Variants in MAPK8 observed in about 807,000 individuals in gnomAD.
MAPK8 encodes JUN N-terminal kinase.
A neutral mutation model predicts 52.9 loss-of-function variants in MAPK8; 13 were observed. The observed-to-expected ratio is 0.25, with a 90% CI of 0.16 to 0.39. The LOEUF (loss-of-function observed/expected upper bound fraction) is 0.39, where lower values mean the gene tolerates loss of function less well. Among genes scored for constraint, MAPK8 ranks in the 10% least tolerant of loss-of-function variants. The probability of loss-of-function intolerance (pLI) is 1.00; values close to 1 mark genes in which losing one functional copy is unlikely to be tolerated. For missense variants in MAPK8, 300 were observed against 519.2 expected, an observed-to-expected ratio of 0.58 and a Z score of 4.10; for synonymous variants, 191 against 169.8, an observed-to-expected ratio of 1.12 and a Z score of -0.97.
chr10:48,431,838 A>G (rs2044303925), intron 11 of MAPK8, among the ~76,000 whole-genome samples: 1 of 152,202 alleles, frequency 6.6e-6, no homozygotes, highest in Non-Finnish European at 1.5e-5. Flanking sequence ...TAGAGGGGAA[A>G]AGTTAAATGG....
chr10:48,329,685 A>G (rs1330314117), intron 1 of MAPK8, among the ~76,000 whole-genome samples: 1 of 152,212 alleles, frequency 6.6e-6, no homozygotes, highest in African/African-American at 2.4e-5. Context: ...AGGAAGAATC[A>G]TTATTTTATG....
At position 48,395,948 on chromosome 10, in the gene MAPK8, C is replaced by T. The variant is rs79941646; in HGVS notation, c.-49-5664C>T. Among the ~76,000 whole-genome samples the T allele has an allele frequency of 8.3e-3, 1,268 of 152,110 alleles. 19 individuals carry two copies. The highest frequency in any genetic ancestry group is 0.029 in the African/African-American group (1,211 of 41,524). On this transcript the variant is annotated intron_variant, in intron 1 of 11. Transcript: ENST00000374189. ...TAATAACCAAAGAAATAAACTTTGA[C>T]TTAAAACTCTTATACAACAGTTATC...
chr10:48,431,614 A>C (rs2044272813), intron 11 of MAPK8, among the ~76,000 whole-genome samples: 1 of 152,214 alleles, frequency 6.6e-6, no homozygotes, highest in South Asian at 2.1e-4. Context: ...TGGATAAATA[A>C]AAGCTTCACT....
chr10:48,342,636 GAGAGATTT>G (rs138882143), intron 1 of MAPK8, among the ~76,000 whole-genome samples: 2 of 152,342 alleles, frequency 1.3e-5, no homozygotes, highest in Non-Finnish European at 2.9e-5. Context: ...ATGGATTCAA[GAGAGATTT>G]AGAGGGAAAC....
intron 1 of MAPK8, among the ~76,000 whole-genome samples, chr10:48,315,481 T>A (rs1842405917): frequency 6.6e-6 from 1 of 152,196 alleles, no homozygotes; most frequent in African/African-American, 2.4e-5. Context: ...GACAGCTTTA[T>A]GATGTACCTT....
chr10:48,437,500 G>C lies in MAPK8; in HGVS notation c.*2471G>C, dbSNP rs1244226452. 1 of 152,074 alleles carries C rather than the reference G, an allele frequency of 6.6e-6. No homozygotes were observed. The highest frequency in any genetic ancestry group is 1.5e-5 in the Non-Finnish European group (1 of 68,002). The allele number at this position is 152,074 out of a possible 1,614,324, so 9.4% of individuals were successfully genotyped here. A position where few individuals can be genotyped will look rare whatever the true frequency, so the allele number is the denominator to read the frequency against. ...ACTATCAGAAAGTTATTTTGACCAA[G>C]ATTTTTATTATCTTCATAGATTCAG... On this transcript the variant is annotated 3_prime_UTR_variant, in exon 12 of 12. Transcript: ENST00000374189.
At chr10:48,322,836 C>T (rs1183193071) in intron 1 of MAPK8, among the ~76,000 whole-genome samples, 1 of 152,176 alleles carries the variant, frequency 6.6e-6, no homozygotes, top group African/African-American at 2.4e-5. Flanking sequence ...CATGCTTTTT[C>T]ACTACCTTGG....
At chr10:48,394,482 A>G (rs559129995) in intron 1 of MAPK8, among the ~76,000 whole-genome samples, 11 of 152,034 alleles carry the variant, frequency 7.2e-5, no homozygotes, top group African/African-American at 2.6e-4. Flanking sequence ...ACCAACTAAG[A>G]AAGAAAACTA....
At chr10:48,351,632 A>G (rs1020624824) in intron 1 of MAPK8, among the ~76,000 whole-genome samples, 1 of 152,236 alleles carries the variant, frequency 6.6e-6, no homozygotes, top group Non-Finnish European at 1.5e-5. Context: ...AAGAAAAACC[A>G]ATTGGAAACT....
At chr10:48,348,950 CA>C (rs57696845) in intron 1 of MAPK8, among the ~76,000 whole-genome samples, 83,977 of 132,306 alleles carry the variant, frequency 0.63, 24,419 homozygotes, top group Middle Eastern at 0.76. Flanking sequence ...AAATGGAAAG[CA>C]AAAAAAAAAA....
chr10:48,361,733 C>A (rs1157573006), intron 1 of MAPK8, among the ~76,000 whole-genome samples: 2 of 152,046 alleles, frequency 1.3e-5, no homozygotes, highest in Non-Finnish European at 2.9e-5. Flanking sequence ...CTTTCTTTCC[C>A]CTGGGGCGTA....
intron 9 of MAPK8, 116 bp downstream of exon 9, chr10:48,426,620 G>T: frequency 2.1e-6 from 2 of 942,832 alleles, no homozygotes; most frequent in South Asian, 3.3e-5. Context: ...TGATGATGAT[G>T]TTTTTCTGTT....
At chr10:48,331,537 G>A (rs1844149699) in intron 1 of MAPK8, among the ~76,000 whole-genome samples, 1 of 152,188 alleles carries the variant, frequency 6.6e-6, no homozygotes, top group Non-Finnish European at 1.5e-5. Flanking sequence ...CTCAAGGATA[G>A]TGAGTCCACC....
At chr10:48,359,848 G>T (rs918840885) in intron 1 of MAPK8, among the ~76,000 whole-genome samples, 3 of 152,176 alleles carry the variant, frequency 2.0e-5, no homozygotes, top group Admixed American at 1.3e-4. Flanking sequence ...TGATTTTAAG[G>T]CTGGAAAGAT....
In MAPK8 at chr10:48,330,596, G is replaced by A. The variant is rs562514430; in HGVS notation, c.-50+23775G>A. Among the ~76,000 whole-genome samples, 19 of 152,314 alleles carry A rather than the reference G, an allele frequency of 1.2e-4. No individual in the cohort carries two copies. In the South Asian group the frequency reaches 2.1e-3, roughly 17 times the overall value. ...TGGACTCAGAGACATGAAGAACAGC[G>A]GAAGTGAGACTTTCAATGGCAGTCT... On this transcript the variant is annotated intron_variant, in intron 1 of 11. Transcript: ENST00000374189.
intron 3 of MAPK8, among the ~76,000 whole-genome samples, chr10:48,409,585 C>A (rs1327096191): frequency 6.6e-6 from 1 of 152,116 alleles, no homozygotes; most frequent in Non-Finnish European, 1.5e-5. Context: ...TTAAGATTTG[C>A]TGATAAATTA....
intron 1 of MAPK8, among the ~76,000 whole-genome samples, chr10:48,377,597 C>A (rs1475235105): frequency 1.3e-5 from 2 of 152,066 alleles, no homozygotes; most frequent in African/African-American, 4.8e-5. Flanking sequence ...TTCTTTCCAC[C>A]CCTCCCCTGG....
chr10:48,410,652 G>A (rs1213146858), intron 5 of MAPK8, among the ~76,000 whole-genome samples: 1 of 152,154 alleles, frequency 6.6e-6, no homozygotes, highest in Admixed American at 6.5e-5. Context: ...GGATATACCT[G>A]TGACTGGAAG....
rs1031954577 is a variant in MAPK8, at chr10:48,437,798, C to T, written c.*2769C>T. The T allele has an allele frequency of 2.6e-5, 4 of 152,254 alleles. No individual in the cohort carries two copies. Among genetic ancestry groups the T allele is most frequent in the Non-Finnish European group, 5.9e-5 (4 of 68,084 alleles). 9.4% of individuals were successfully genotyped at this position (152,254 alleles called of 1,614,324 possible). ...TAAGAGAAACACCAGCCTCTTAAAT[C>T]AGAAGCCTACACACAACCCCCTTAA... On this transcript the variant is annotated 3_prime_UTR_variant, in exon 12 of 12. Coordinates refer to ENST00000374189, the MANE Select transcript of MAPK8 (RefSeq NM_001323329.2).
Sources: allele counts gnomAD v4.1 joint callset (sites outside exome capture counted in the v4.1 genomes callset), GRCh38; gene constraint gnomAD v4.1.1; transcripts MANE v1.5; gene names NCBI Gene and HGNC (gene_info 2026-07-23, HGNC 2026-07-21).